The following GPHN variants were observed in gnomAD, a reference collection of about 807,000 sequenced individuals.
GPHN encodes gephyrin.
Under a neutral mutation model 95.5 loss-of-function variants are expected in GPHN, and 17 were observed. The observed-to-expected ratio is 0.18, with a 90% CI of 0.12 to 0.27. The LOEUF is 0.27. Ranked by LOEUF, GPHN falls within the 10% of genes least tolerant of loss-of-function variation. The pLI is 1.00. For missense variants in GPHN, 660 were observed against 978.1 expected, an observed-to-expected ratio of 0.67 and a Z score of 4.34; for synonymous variants, 320 against 322.5, an observed-to-expected ratio of 0.99 and a Z score of 0.08.
At chr14:67,576,522 C>T in the GPHN span, 2 of 1,256,266 alleles carry the variant, frequency 1.6e-6, no homozygotes, top group South Asian at 2.4e-5. The surrounding 1 kb of genome is among the most constrained non-coding windows in gnomAD (Gnocchi z 4.0). Flanking sequence ...AGGGTGGCCA[C>T]CACTGCTTGG....
At chr14:67,364,519 C>T in the GPHN span, 1 of 374,822 alleles carries the variant, frequency 2.7e-6, no homozygotes, top group Non-Finnish European at 4.8e-6. Context: ...TTTATGATTC[C>T]TCTGAAACTA....
the GPHN span, chr14:67,579,313 T>G: frequency 6.6e-7 from 1 of 1,513,268 alleles, no homozygotes; most frequent in Non-Finnish European, 8.8e-7. Context: ...ACTTACCATG[T>G]GAGGAGCTGG....
At chr14:67,370,175 C>T in the GPHN span, among the ~76,000 whole-genome samples, 6 of 152,226 alleles carry the variant, frequency 3.9e-5, no homozygotes, top group Non-Finnish European at 8.8e-5. Context: ...CTGCCCTGGG[C>T]GGGCCAGGTG....
At chr14:66,900,623 T>C (rs2065080815) in intron 5 of GPHN, among the ~76,000 whole-genome samples, 1 of 151,948 alleles carries the variant, frequency 6.6e-6, no homozygotes. Flanking sequence ...CCCCACATTA[T>C]GAGGGAGAAC....
At chr14:67,297,004 T>G in the GPHN span, among the ~76,000 whole-genome samples, 1 of 152,226 alleles carries the variant, frequency 6.6e-6, no homozygotes, top group Non-Finnish European at 1.5e-5. Flanking sequence ...AATTCAGTAC[T>G]TTTTCTTTGT....
chr14:66,583,285 A>G (rs117772647), intron 1 of GPHN, among the ~76,000 whole-genome samples: 49,751 of 151,816 alleles, frequency 0.33, 12,001 homozygotes, highest in African/African-American at 0.66. Context: ...CTGGATATTA[A>G]CCCTTTGTCA....
At chr14:67,375,369 C>A in the GPHN span, among the ~76,000 whole-genome samples, 1 of 152,058 alleles carries the variant, frequency 6.6e-6, no homozygotes, top group South Asian at 2.1e-4. Flanking sequence ...GATCCTCTCG[C>A]CTCTGCCTCC....
chr14:67,256,729 T>C, the GPHN span, among the ~76,000 whole-genome samples: 1 of 151,158 alleles, frequency 6.6e-6, no homozygotes, highest in South Asian at 2.1e-4. Flanking sequence ...TGTATTTTAG[T>C]AGAGACAGGG....
intron 21 of GPHN, among the ~76,000 whole-genome samples, chr14:67,172,385 C>G (rs1353705772): frequency 1.3e-5 from 2 of 152,188 alleles, no homozygotes; most frequent in African/African-American, 4.8e-5. Context: ...CAGCACCCAG[C>G]ATCCCAGGAA....
intron 1 of GPHN, among the ~76,000 whole-genome samples, chr14:66,584,004 C>G (rs1566645117): frequency 6.6e-6 from 1 of 152,142 alleles, no homozygotes; most frequent in African/African-American, 2.4e-5. Context: ...GATACTGATT[C>G]TTCCTACCCA....
the GPHN span, among the ~76,000 whole-genome samples, chr14:67,679,560 T>A: frequency 7.2e-5 from 11 of 152,092 alleles, no homozygotes; most frequent in African/African-American, 2.7e-4. Flanking sequence ...CCTGCCACCA[T>A]GACTGGCTAA....
intron 3 of GPHN, among the ~76,000 whole-genome samples, chr14:66,794,643 A>T (rs1039377632): frequency 6.6e-6 from 1 of 152,188 alleles, no homozygotes; most frequent in African/African-American, 2.4e-5. Context: ...AAAAAACAGA[A>T]GTGCTTAATA....
chr14:66,992,525 A>G (rs2071506049), intron 9 of GPHN, among the ~76,000 whole-genome samples: 1 of 152,188 alleles, frequency 6.6e-6, no homozygotes, highest in African/African-American at 2.4e-5. Flanking sequence ...AATATGGGAT[A>G]GTATGAAATA....
At chr14:66,845,216 T>C (rs1029885476) in intron 4 of GPHN, among the ~76,000 whole-genome samples, 2 of 152,170 alleles carry the variant, frequency 1.3e-5, no homozygotes, top group Non-Finnish European at 2.9e-5. Context: ...TTCTTTTGGT[T>C]ATATAACTAG....
the GPHN span, among the ~76,000 whole-genome samples, chr14:67,219,034 C>T: frequency 6.6e-6 from 1 of 151,724 alleles, no homozygotes; most frequent in Non-Finnish European, 1.5e-5. Context: ...GGCCAGTGGC[C>T]CCCCAGAGCA....
At chr14:67,368,652 G>A in the GPHN span, among the ~76,000 whole-genome samples, 2 of 143,336 alleles carry the variant, frequency 1.4e-5, no homozygotes, top group South Asian at 4.6e-4. Context: ...AGATCTATAT[G>A]ATTCTTAACG....
At chr14:67,663,332 T>C in the GPHN span, 1 of 622,968 alleles carries the variant, frequency 1.6e-6, no homozygotes, top group Non-Finnish European at 2.7e-6. Flanking sequence ...TAAATAACAT[T>C]GTTTTAAATA....
At chr14:66,985,626 T>A (rs2070975497) in intron 9 of GPHN, 1 of 1,192,732 alleles carries the variant, frequency 8.4e-7, no homozygotes, top group Non-Finnish European at 1.2e-6. Flanking sequence ...ATAGAAAAAT[T>A]TTTAAGTTCA....
chr14:66,814,381 A>G lies in GPHN; in HGVS notation c.202-10093A>G, dbSNP rs113594974. ...TGTGTTGCCTCCACCACTATGGTGAACACCTGCAGGGAGGCAGGCACCCCT... is the reference window on the plus strand; with the variant it reads ...TGTGTTGCCTCCACCACTATGGTGAGCACCTGCAGGGAGGCAGGCACCCCT... On this transcript the variant is annotated intron_variant, in intron 3 of 22. Transcript: ENST00000478722. Among the ~76,000 whole-genome samples, 1,485 of 152,184 alleles carry G rather than the reference A, an allele frequency of 9.8e-3. 20 individuals carry two copies. Among genetic ancestry groups the G allele is most frequent in the African/African-American group, 0.033 (1,376 of 41,524 alleles).
Sources: allele counts gnomAD v4.1 joint callset (sites outside exome capture counted in the v4.1 genomes callset), GRCh38; gene constraint gnomAD v4.1.1; non-coding constraint Gnocchi (gnomAD v3.1); transcripts MANE v1.5; gene names NCBI Gene and HGNC (gene_info 2026-07-23, HGNC 2026-07-21).